The following TAFA2 variants were observed in gnomAD, a reference collection of about 807,000 sequenced individuals.
TAFA2 encodes the protein TAFA chemokine like family member 2.
TAFA2 carries 7 observed loss-of-function variants against 18.8 expected under a neutral mutation model. The observed-to-expected ratio is 0.37, with a 90% CI of 0.21 to 0.70. The LOEUF (loss-of-function observed/expected upper bound fraction) is 0.70. Ranked by LOEUF, TAFA2 falls within the 30% of genes least tolerant of loss-of-function variation. The pLI, the probability that TAFA2 is intolerant of heterozygous loss-of-function variation, is 0.53. For missense variants in TAFA2, 122 were observed against 158.1 expected, an observed-to-expected ratio of 0.77 and a Z score of 1.23; for synonymous variants, 60 against 54.2, an observed-to-expected ratio of 1.11 and a Z score of -0.47.
intron 1 of TAFA2, among the ~76,000 whole-genome samples, chr12:62,246,062 C>G (rs1196539708): frequency 6.6e-6 from 1 of 151,484 alleles, no homozygotes; most frequent in Non-Finnish European, 1.5e-5. Flanking sequence ...TCTCAGCTCA[C>G]TGCAAGCTCC....
At chr12:61,922,676 G>C (rs1226680180) in intron 1 of TAFA2, among the ~76,000 whole-genome samples, 1 of 152,114 alleles carries the variant, frequency 6.6e-6, no homozygotes, top group East Asian at 1.9e-4. Context: ...GCGACCATTT[G>C]GGCAGACACC....
At chr12:61,762,466 T>A (rs1237866587) in intron 2 of TAFA2, among the ~76,000 whole-genome samples, 2 of 152,006 alleles carry the variant, frequency 1.3e-5, no homozygotes, top group African/African-American at 2.4e-5. Context: ...TGAGATAATG[T>A]GTGTGAAGCT....
intron 1 of TAFA2, among the ~76,000 whole-genome samples, chr12:61,896,431 G>C (rs1014254738): frequency 1.1e-4 from 17 of 152,164 alleles, no homozygotes; most frequent in African/African-American, 4.1e-4. Flanking sequence ...GGATTCCATA[G>C]ATTGCATACA....
chr12:61,829,649 A>G (rs2121086894), intron 2 of TAFA2, among the ~76,000 whole-genome samples: 1 of 151,776 alleles, frequency 6.6e-6, no homozygotes, highest in East Asian at 1.9e-4. Context: ...GAAAAAACAT[A>G]TCAGCTAGAT....
In TAFA2 at chr12:62,204,317, G is replaced by A. The variant is rs546068459; in HGVS notation, c.-130+54446C>T. On this transcript the variant is annotated intron_variant, in intron 1 of 5. Transcript: ENST00000551619. ...GGAGAATCTGATGATTATGTGTCTT[G>A]GGGTTGATCTCCTCATGGAGTATCT... 2.0e-4 allele frequency among the ~76,000 whole-genome samples: 30 copies of A among 152,062 alleles called. No homozygotes were observed. The South Asian group carries it at 6.3e-3, about 32-fold the overall frequency.
intron 2 of TAFA2, among the ~76,000 whole-genome samples, chr12:61,836,553 T>G (rs1417817752): frequency 2.6e-5 from 4 of 151,750 alleles, no homozygotes; most frequent in Non-Finnish European, 5.9e-5. Context: ...GGGGACTAAC[T>G]AATCACTGCT....
In TAFA2 at chr12:62,130,144, G is replaced by C. The variant is rs145947463; in HGVS notation, c.-2+61115C>G. ...TTATAAGACAAGGGAGAGTTCCTCTGGTAAATTGCTTTCATCTTCCCAAGT... is the reference window on the plus strand; with the variant it reads ...TTATAAGACAAGGGAGAGTTCCTCTCGTAAATTGCTTTCATCTTCCCAAGT... On this transcript the variant is annotated intron_variant, in intron 1 of 4. Transcript: ENST00000416284. Among the ~76,000 whole-genome samples, 298 of 152,006 alleles carry C rather than the reference G, an allele frequency of 2.0e-3. 1 individual carries two copies. Among genetic ancestry groups the C allele is most frequent in the African/African-American group, 7.1e-3 (293 of 41,498 alleles).
chr12:61,759,951 G>T (rs1285592514), intron 2 of TAFA2, among the ~76,000 whole-genome samples: 1 of 151,918 alleles, frequency 6.6e-6, no homozygotes, highest in Non-Finnish European at 1.5e-5. Context: ...ACAATGGAGA[G>T]TAGGGAAAGA....
intron 2 of TAFA2, among the ~76,000 whole-genome samples, chr12:61,760,871 CAAA>C (rs375369002): frequency 2.5e-5 from 3 of 120,982 alleles, no homozygotes; most frequent in Non-Finnish European, 1.8e-5. Context: ...CCCAAGTCAC[CAAA>C]AAAAAAAAAA....
In TAFA2 at chr12:61,753,758, A is replaced by G; in HGVS notation, c.260-12T>C. ...TTCCACTATTGAAGCTATAAGAGAG[A>G]AAAAAAATTGACTCAACATTTTTTT... On this transcript the variant is annotated splice_polypyrimidine_tract_variant and intron_variant, in intron 3 of 4. Coordinates refer to ENST00000416284, the MANE Select transcript of TAFA2 (RefSeq NM_178539.5). 8 of 1,583,538 alleles carry G rather than the reference A, an allele frequency of 5.1e-6. No homozygotes were observed. The highest frequency in any genetic ancestry group is 1.8e-5 in the Admixed American group (1 of 54,758).
chr12:62,219,720 C>G (rs1034799704), intron 1 of TAFA2, among the ~76,000 whole-genome samples: 1 of 152,118 alleles, frequency 6.6e-6, no homozygotes, highest in Admixed American at 6.5e-5. Flanking sequence ...ATATAAATCA[C>G]TCACCCAGTA....
chr12:61,849,877 T>C (rs910685706), intron 2 of TAFA2, among the ~76,000 whole-genome samples: 1 of 152,206 alleles, frequency 6.6e-6, no homozygotes, highest in African/African-American at 2.4e-5. Context: ...AACACATAGA[T>C]TGTTGATCTA....
In TAFA2 at chr12:61,751,697, A is replaced by T. The variant is rs563804720; in HGVS notation, c.384+1925T>A. ...GAGGATAATGTCTTATAACTAAAAC[A>T]AATTATAGGATGTAGATGTGATTTT... On this transcript the variant is annotated intron_variant, in intron 4 of 4. Transcript: ENST00000416284. 5.9e-5 allele frequency among the ~76,000 whole-genome samples: 9 copies of T among 152,152 alleles called. No homozygotes were observed. The East Asian group carries it at 1.6e-3, about 26-fold the overall frequency.
intron 1 of TAFA2, among the ~76,000 whole-genome samples, chr12:62,244,794 T>G (rs1218327659): frequency 6.6e-6 from 1 of 152,234 alleles, no homozygotes; most frequent in East Asian, 1.9e-4. Context: ...GGTATCTCAT[T>G]GCACTTTTAT....
intron 2 of TAFA2, among the ~76,000 whole-genome samples, chr12:61,792,535 AT>A (rs200025761): frequency 6.6e-6 from 1 of 151,614 alleles, no homozygotes; most frequent in Non-Finnish European, 1.5e-5. Context: ...TGTCATTAAA[AT>A]TTTTTAAAAG....
intron 1 of TAFA2, among the ~76,000 whole-genome samples, chr12:62,098,984 G>C (rs1298429483): frequency 1.3e-5 from 2 of 151,954 alleles, no homozygotes; most frequent in Non-Finnish European, 2.9e-5. Context: ...TAAACCATAA[G>C]ACCACTTGAG....
intron 2 of TAFA2, among the ~76,000 whole-genome samples, chr12:61,812,063 C>G (rs1292482021): frequency 6.6e-6 from 1 of 151,292 alleles, no homozygotes; most frequent in Non-Finnish European, 1.5e-5. Flanking sequence ...AGAAGGCCTA[C>G]TCAAAAATCT....
At chr12:61,762,648 T>TATAC (rs1800377145) in intron 2 of TAFA2, among the ~76,000 whole-genome samples, 1 of 150,344 alleles carries the variant, frequency 6.7e-6, no homozygotes, top group African/African-American at 2.4e-5. Context: ...TATATATATA[T>TATAC]ATACATACAC....
At chr12:62,081,673 C>T (rs1307074848) in intron 1 of TAFA2, among the ~76,000 whole-genome samples, 3 of 151,976 alleles carry the variant, frequency 2.0e-5, no homozygotes, top group East Asian at 3.9e-4. Context: ...TTAGTAGAGA[C>T]GGGGTTTCAC....
Sources: allele counts gnomAD v4.1 joint callset (sites outside exome capture counted in the v4.1 genomes callset), GRCh38; gene constraint gnomAD v4.1.1; transcripts MANE v1.5; gene names NCBI Gene and HGNC (gene_info 2026-07-23, HGNC 2026-07-21).